The following DYNLRB2 variants were observed in gnomAD, a reference collection of about 807,000 sequenced individuals.
DYNLRB2 encodes dynein light chain roadblock-type 2.
DYNLRB2 carries 14 observed loss-of-function variants against 12.6 expected under a neutral mutation model. The observed-to-expected ratio is 1.11, with a 90% CI of 0.73 to 1.73. DYNLRB2 has a LOEUF of 1.73. Among genes scored for constraint, DYNLRB2 ranks in the 40% most tolerant of loss-of-function variants. The pLI, the probability that DYNLRB2 is intolerant of heterozygous loss-of-function variation, is 0.00. For missense variants in DYNLRB2, 142 were observed against 117.7 expected, an observed-to-expected ratio of 1.21 and a Z score of -0.95; for synonymous variants, 53 against 37.0, an observed-to-expected ratio of 1.43 and a Z score of -1.57.
chr16:80,545,666 CTTTTTTTT>C (rs775659372), intron 2 of DYNLRB2, among the ~76,000 whole-genome samples: 1 of 74,886 alleles, frequency 1.3e-5, no homozygotes, highest in South Asian at 5.7e-4. Flanking sequence ...CCATTAGCTT[CTTTTTTTT>C]TTTTTTTTTT....
chr16:80,548,464 C>A (rs112095050), intron 2 of DYNLRB2, among the ~76,000 whole-genome samples: 1 of 152,096 alleles, frequency 6.6e-6, no homozygotes, highest in African/African-American at 2.4e-5. Flanking sequence ...TGGTGGCTCA[C>A]GCCTGTAAAC....
chr16:80,540,806 T>A (rs564650102), upstream of DYNLRB2: 38 of 707,358 alleles, frequency 5.4e-5, no homozygotes, highest in African/African-American at 6.6e-4. Context: ...CTGACCCACT[T>A]CCCTCTTCCC....
At chr16:80,550,210 G>A (rs564574948) in intron 3 of DYNLRB2, among the ~76,000 whole-genome samples, 37 of 152,122 alleles carry the variant, frequency 2.4e-4, no homozygotes, top group Middle Eastern at 3.2e-3. Flanking sequence ...CTTATAAACT[G>A]AATAAAGTTT....
At chr16:80,540,777 A>G, upstream of DYNLRB2, 1 of 703,510 alleles carries the variant, frequency 1.4e-6, no homozygotes, top group African/African-American at 1.7e-5. Context: ...GAATGAATGG[A>G]CAAACACAGG....
intron 2 of DYNLRB2, 125 bp downstream of exon 2, chr16:80,543,476 T>C (rs922367531): frequency 4.6e-6 from 4 of 867,298 alleles, no homozygotes; most frequent in Non-Finnish European, 7.0e-6. Context: ...ATTTTAGCTC[T>C]GGCATTCACT....
Position 80,550,651 on chromosome 16 carries a change from C to A in DYNLRB2, c.*93C>A. The stretch of plus-strand genomic sequence containing the variant: ...AAATTCTATTTCAATCTAACTGACC[C>A]TTCAAACATTCTTTTCTATTTCTAT... On this transcript the variant is annotated 3_prime_UTR_variant, in exon 4 of 4. Coordinates refer to ENST00000305904, the MANE Select transcript of DYNLRB2 (RefSeq NM_130897.3). The A allele has an allele frequency of 7.4e-7, 1 of 1,346,152 alleles. No individual in the cohort carries two copies. The highest frequency in any genetic ancestry group is 1.2e-5 in the South Asian group (1 of 84,200). 83.4% of individuals were successfully genotyped at this position (1,346,152 alleles called of 1,614,324 possible). A position where few individuals can be genotyped will look rare whatever the true frequency, so the allele number is the denominator to read the frequency against.
upstream of DYNLRB2, chr16:80,540,829 C>T (rs1298285431): frequency 1.4e-6 from 1 of 722,788 alleles, no homozygotes; most frequent in Non-Finnish European, 2.5e-6. Flanking sequence ...CCGGGACCCA[C>T]TGCTCCAGGA....
At chr16:80,549,232 C>A in intron 2 of DYNLRB2, 1 of 414,068 alleles carries the variant, frequency 2.4e-6, no homozygotes, top group African/African-American at 2.0e-5. Flanking sequence ...ACAAGGACAA[C>A]TTGTATGTTA....
Position 80,541,025 on chromosome 16 carries a change from A to C in DYNLRB2, c.-52A>C, listed in dbSNP as rs1236150555. On this transcript the variant is annotated 5_prime_UTR_variant, in exon 1 of 4. Coordinates refer to ENST00000305904, the MANE Select transcript of DYNLRB2 (RefSeq NM_130897.3). ...AGCAACGGCGGGTAGCGTTGTTGAC[A>C]TCCCGGGAGGCTGTGCCGCCGGCCT... 6.3e-7 allele frequency: 1 copy of C among 1,594,834 alleles called. No homozygotes were observed. The highest frequency in any genetic ancestry group is 1.3e-5 in the African/African-American group (1 of 74,542).
intron 1 of DYNLRB2, among the ~76,000 whole-genome samples, chr16:80,542,563 G>A (rs559869903): frequency 6.6e-6 from 1 of 152,162 alleles, no homozygotes; most frequent in South Asian, 2.1e-4. Context: ...TTGCAGGTTT[G>A]GAAAAGATCG....
chr16:80,541,045 C>T lies in DYNLRB2; in HGVS notation c.-32C>T, dbSNP rs750324717. 6.2e-7 allele frequency: 1 copy of T among 1,605,722 alleles called. No individual in the cohort carries two copies. The highest frequency in any genetic ancestry group is 1.3e-5 in the African/African-American group (1 of 74,818). ...TTGACATCCCGGGAGGCTGTGCCGC[C>T]GGCCTGAGCCCAGAGTTTCGCGGCC... On this transcript the variant is annotated 5_prime_UTR_variant, in exon 1 of 4. Coordinates refer to ENST00000305904, the MANE Select transcript of DYNLRB2 (RefSeq NM_130897.3).
intron 3 of DYNLRB2, 97 bp downstream of exon 3, chr16:80,549,748 A>G: frequency 8.3e-7 from 1 of 1,211,062 alleles, no homozygotes; most frequent in South Asian, 2.4e-5. Flanking sequence ...TTTAGTATAG[A>G]ATATAAAACA....
At chr16:80,540,856 T>G, upstream of DYNLRB2, 3 of 787,466 alleles carry the variant, frequency 3.8e-6, no homozygotes, top group Non-Finnish European at 6.6e-6. Context: ...GAACCTCAGG[T>G]GAGCGCCTGC....
chr16:80,550,486 G>T, intron 3 of DYNLRB2, 29 bp from the exon 4 acceptor site: 1 of 1,613,086 alleles, frequency 6.2e-7, no homozygotes, highest in South Asian at 1.1e-5. Flanking sequence ...TAAATTAAGG[G>T]TGAATTGATT....
At chr16:80,542,141 GCT>G (rs1904293738) in intron 1 of DYNLRB2, among the ~76,000 whole-genome samples, 1 of 152,052 alleles carries the variant, frequency 6.6e-6, no homozygotes, top group African/African-American at 2.4e-5. Flanking sequence ...TTAATGATAG[GCT>G]CTCTCTTCAT....
chr16:80,548,555 C>G (rs1003496732), intron 2 of DYNLRB2, among the ~76,000 whole-genome samples: 26 of 152,176 alleles, frequency 1.7e-4, no homozygotes, highest in Middle Eastern at 6.8e-3. Flanking sequence ...AACCCTGTCT[C>G]TACTAAAAAT....
At chr16:80,541,424 G>C (rs367568029) in intron 1 of DYNLRB2, 1 of 983,396 alleles carries the variant, frequency 1.0e-6, no homozygotes, top group Admixed American at 6.2e-5. Flanking sequence ...GCGGGAGGCC[G>C]AGATGGAGAG....
intron 2 of DYNLRB2, among the ~76,000 whole-genome samples, chr16:80,545,222 A>G (rs1445714704): frequency 6.6e-6 from 1 of 152,202 alleles, no homozygotes; most frequent in East Asian, 1.9e-4. Flanking sequence ...CTAGCAATTT[A>G]TCCTAAAGAG....
intron 2 of DYNLRB2, among the ~76,000 whole-genome samples, chr16:80,543,867 A>G (rs983019340): frequency 6.6e-6 from 1 of 152,214 alleles, no homozygotes; most frequent in South Asian, 2.1e-4. Flanking sequence ...ATTTCCAACT[A>G]TGAAATCTGT....
Sources: gnomAD v4.1 joint callset for allele counts (sites outside exome capture counted in the v4.1 genomes callset) on GRCh38, gnomAD v4.1.1 for gene constraint, MANE v1.5 for transcripts, NCBI Gene and HGNC (gene_info 2026-07-23, HGNC 2026-07-21) for gene names.